NCOR2: variants seen among roughly 807,000 people sequenced by gnomAD.
NCOR2 encodes nuclear receptor corepressor 2, also known as CTG repeat protein 26.
A neutral mutation model predicts 262.9 loss-of-function variants in NCOR2; 81 were observed. That is an observed-to-expected ratio of 0.31 (90% CI 0.26 to 0.37). The LOEUF (loss-of-function observed/expected upper bound fraction) is 0.37, where lower values mean the gene tolerates loss of function less well. NCOR2 is among the 10% of genes least tolerant of loss of function. The probability of loss-of-function intolerance (pLI) is 1.00; values close to 1 mark genes in which losing one functional copy is unlikely to be tolerated. For missense variants in NCOR2, 3,385 were observed against 3,621.4 expected, an observed-to-expected ratio of 0.93 and a Z score of 1.68; for synonymous variants, 1,659 against 1,559.3, an observed-to-expected ratio of 1.06 and a Z score of -1.51.
chr12:124,354,204 A>T lies in NCOR2; in HGVS notation c.3590-8T>A. Reference sequence around the variant, plus strand: ...CTGAGCCCAGAGCTGTCCCTGGAAGACACAAGATGTGGGGCTGAGGGCGTG... The same window carrying T: ...CTGAGCCCAGAGCTGTCCCTGGAAGTCACAAGATGTGGGGCTGAGGGCGTG... On this transcript the variant is annotated splice_polypyrimidine_tract_variant and splice_region_variant and intron_variant, in intron 26 of 46. Coordinates refer to ENST00000405201, the Ensembl canonical transcript of NCOR2. 1.9e-6 allele frequency: 3 copies of T among 1,588,544 alleles called. No homozygotes were observed. The East Asian group carries it at 6.9e-5, about 36-fold the overall frequency.
chr12:124,453,064 A>C (rs1417763658), intron 6 of NCOR2, among the ~76,000 whole-genome samples: 1 of 151,986 alleles, frequency 6.6e-6, no homozygotes, highest in Non-Finnish European at 1.5e-5. Context: ...GAAAGCCCAG[A>C]AGGGAGTGGG....
chr12:124,401,398 C>A (rs1484034657), intron 14 of NCOR2, among the ~76,000 whole-genome samples: 2 of 152,168 alleles, frequency 1.3e-5, no homozygotes, highest in Non-Finnish European at 2.9e-5. Flanking sequence ...CCATTTTATG[C>A]ACCAAATAGA....
At position 124,440,418 on chromosome 12, in the gene NCOR2, C is replaced by T. The variant is rs377312434; in HGVS notation, c.816-2422G>A. Among the ~76,000 whole-genome samples the T allele has an allele frequency of 7.2e-5, 11 of 152,270 alleles. No individual in the cohort carries two copies. The highest frequency in any genetic ancestry group is 6.2e-4 in the South Asian group (3 of 4,828). On this transcript the variant is annotated intron_variant, in intron 7 of 46. Coordinates refer to ENST00000405201, the Ensembl canonical transcript of NCOR2. This position sits in a 1 kb window ranked among gnomAD's most constrained non-coding sequence, Gnocchi z 5.7. ...GCCTCCCCACCTTCCATCAGTCTGG[C>T]CGCCGCCCCCCGGCCAGGGTGGGCC...
At chr12:124,471,805 G>T (rs1458433651) in intron 4 of NCOR2, among the ~76,000 whole-genome samples, 1 of 152,202 alleles carries the variant, frequency 6.6e-6, no homozygotes, top group Non-Finnish European at 1.5e-5. Flanking sequence ...GGGCTCAAGT[G>T]ATCCTCCAGC....
intron 7 of NCOR2, among the ~76,000 whole-genome samples, chr12:124,446,043 G>A (rs1253356410): frequency 3.9e-5 from 6 of 152,208 alleles, no homozygotes; most frequent in Non-Finnish European, 4.4e-5. Flanking sequence ...GGGCCTGCAC[G>A]GGGCCTCCCT....
At chr12:124,497,624 A>G (rs908754644), upstream of NCOR2, among the ~76,000 whole-genome samples, 1 of 152,192 alleles carries the variant, frequency 6.6e-6, no homozygotes, top group Non-Finnish European at 1.5e-5. This position sits in a 1 kb window ranked among gnomAD's most constrained non-coding sequence, Gnocchi z 4.2. Flanking sequence ...GGAATCACAA[A>G]CGCACTCCCA....
chr12:124,336,974 C>T (rs2035950504), exon 38 of NCOR2: 1 of 1,519,740 alleles, frequency 6.6e-7, no homozygotes, highest in African/African-American at 1.4e-5. Context: ...GGGCTCCAGC[C>T]CGGAGCGGGC....
At chr12:124,383,740 C>T (rs1351237360) in intron 17 of NCOR2, among the ~76,000 whole-genome samples, 2 of 152,192 alleles carry the variant, frequency 1.3e-5, no homozygotes, top group Non-Finnish European at 1.5e-5. Flanking sequence ...TATTCTCCTA[C>T]CTTACAGATG....
chr12:124,388,706 C>G (rs747709408), intron 16 of NCOR2: 3 of 1,304,360 alleles, frequency 2.3e-6, no homozygotes, highest in African/African-American at 1.5e-5. Flanking sequence ...CGCGTCTCCC[C>G]CTCGGCCAAG....
chr12:124,529,179 CAAA>C (rs148397454), intron 1 of NCOR2, among the ~76,000 whole-genome samples: 58 of 52,168 alleles, frequency 1.1e-3, no homozygotes, highest in East Asian at 2.2e-3. Context: ...AACTCCGACT[CAAA>C]AAAAAAAAAA....
intron 7 of NCOR2, among the ~76,000 whole-genome samples, chr12:124,445,466 G>A (rs948983966): frequency 3.3e-5 from 5 of 152,228 alleles, no homozygotes; most frequent in African/African-American, 7.2e-5. Flanking sequence ...TCGTCTGTGC[G>A]GCAGGAAGTC....
intron 1 of NCOR2, among the ~76,000 whole-genome samples, chr12:124,506,262 G>C (rs1487342937): frequency 6.6e-6 from 1 of 152,214 alleles, no homozygotes; most frequent in African/African-American, 2.4e-5. Flanking sequence ...ACACAGTCAG[G>C]ATACGGGTGC....
chr12:124,354,585 G>A lies in NCOR2; in HGVS notation c.3485-3C>T. The stretch of plus-strand genomic sequence containing the variant: ...CTGCTTCACTCCGCTGAAGGGTGCT[G>A]AGGACCAGTAAGAGGAGCGAGTCAC... On this transcript the variant is annotated splice_region_variant and splice_polypyrimidine_tract_variant and intron_variant, in intron 25 of 46. Transcript: ENST00000405201. The A allele has an allele frequency of 6.4e-7, 1 of 1,569,002 alleles. No homozygotes were observed. Among genetic ancestry groups the A allele is most frequent in the Non-Finnish European group, 8.6e-7 (1 of 1,160,096 alleles).
Position 124,374,508 on chromosome 12 carries a change from T to C in NCOR2, c.2168-45A>G, listed in dbSNP as rs369507524. On this transcript the variant is annotated intron_variant, in intron 18 of 46. Coordinates refer to ENST00000405201, the Ensembl canonical transcript of NCOR2. Reference sequence around the variant, plus strand: ...GAGTTAGAAGTGAGGCAGCACCAAGTAGTGGGAGGGGAGGGAGGAGGCAAC... The same window carrying C: ...GAGTTAGAAGTGAGGCAGCACCAAGCAGTGGGAGGGGAGGGAGGAGGCAAC... 11 of 1,587,908 alleles carry C rather than the reference T, an allele frequency of 6.9e-6. No homozygotes were observed. In the African/African-American group the frequency reaches 1.1e-4, roughly 16 times the overall value.
At chr12:124,340,442 T>C (rs752065821) in exon 36 of NCOR2, 2 of 1,611,574 alleles carry the variant, frequency 1.2e-6, no homozygotes, top group South Asian at 2.2e-5. Context: ...GTGTTGGACC[T>C]CCTAGGAAAC....
chr12:124,473,027 C>G (rs1382612853), exon 4 of NCOR2: 1 of 1,614,186 alleles, frequency 6.2e-7, no homozygotes. Flanking sequence ...TGTTCTGGAT[C>G]AGCTCCTCCT....
intron 45 of NCOR2, 137 bp from the exon 48 acceptor site, chr12:124,326,507 T>G: frequency 1.2e-6 from 1 of 833,076 alleles, no homozygotes; most frequent in Non-Finnish European, 1.7e-6. Flanking sequence ...CGTGAACCCC[T>G]CCTCCCTGCT....
At chr12:124,414,049 G>A (rs554152465) in intron 13 of NCOR2, among the ~76,000 whole-genome samples, 11 of 152,160 alleles carry the variant, frequency 7.2e-5, no homozygotes, top group African/African-American at 1.7e-4. Context: ...GCCTCATCAT[G>A]AGCCCCTCTG....
intron 28 of NCOR2, chr12:124,348,559 A>C: frequency 1.8e-6 from 1 of 541,330 alleles, no homozygotes; most frequent in Admixed American, 3.7e-5. Context: ...CGCTGCCTGC[A>C]CCCTGTACCC....
Sources: allele counts gnomAD v4.1 joint callset (sites outside exome capture counted in the v4.1 genomes callset), GRCh38; gene constraint gnomAD v4.1.1; non-coding constraint Gnocchi (gnomAD v3.1); transcripts MANE v1.5; gene names NCBI Gene and HGNC (gene_info 2026-07-23, HGNC 2026-07-21).